The following UNC79 variants were observed in gnomAD, a reference collection of about 807,000 sequenced individuals.
UNC79 encodes protein unc-79 homolog.
Under a neutral mutation model 283.1 loss-of-function variants are expected in UNC79, and 37 were observed. That is an observed-to-expected ratio of 0.13 (90% CI 0.10 to 0.17). The LOEUF is 0.17. Among genes scored for constraint, UNC79 ranks in the 10% least tolerant of loss-of-function variants. UNC79 has a pLI of 1.00. For synonymous variants in UNC79, 1,107 were observed against 1,200.2 expected (o/e 0.92, Z 1.61); for missense variants, 2,272 against 3,211.1 (o/e 0.71, Z 7.07).
chr14:93,564,781 G>A (rs1378586622), intron 14 of UNC79, among the ~76,000 whole-genome samples: 1 of 152,084 alleles, frequency 6.6e-6, no homozygotes, highest in Non-Finnish European at 1.5e-5. Context: ...GGGTCACAAG[G>A]TGCTCAGTGG....
intron 1 of UNC79, among the ~76,000 whole-genome samples, chr14:93,338,463 G>A (rs1263236908): frequency 2.6e-5 from 4 of 151,996 alleles, no homozygotes; most frequent in South Asian, 2.1e-4. Flanking sequence ...ACACAAAAAC[G>A]GACTAACACA....
intron 1 of UNC79, among the ~76,000 whole-genome samples, chr14:93,357,707 A>ATATATATATATGGATATATGGATG (rs2054119080): frequency 4.9e-5 from 6 of 122,478 alleles, no homozygotes; most frequent in Admixed American, 8.1e-5. Flanking sequence ...ATATATATAT[A>ATATATATATATGGATATATGGATG]TATATATATA....
intron 47 of UNC79, among the ~76,000 whole-genome samples, chr14:93,701,135 C>T (rs1226029336): frequency 6.6e-6 from 1 of 152,210 alleles, no homozygotes; most frequent in Non-Finnish European, 1.5e-5. Flanking sequence ...TTCCTGCTGC[C>T]AGTGCTACTG....
At chr14:93,627,155 G>A (rs1010520667) in intron 30 of UNC79, among the ~76,000 whole-genome samples, 5 of 152,192 alleles carry the variant, frequency 3.3e-5, no homozygotes, top group African/African-American at 1.2e-4. Context: ...AAATCTGTCA[G>A]CAGTCAGTCA....
intron 1 of UNC79, among the ~76,000 whole-genome samples, chr14:93,461,486 A>G (rs2056961195): frequency 1.3e-5 from 2 of 152,182 alleles, no homozygotes; most frequent in South Asian, 4.1e-4. Flanking sequence ...TTGTGTATGC[A>G]CAGACCTCTT....
intron 25 of UNC79, among the ~76,000 whole-genome samples, chr14:93,601,297 T>G (rs1410204622): frequency 2.0e-5 from 3 of 147,600 alleles, no homozygotes; most frequent in Non-Finnish European, 4.5e-5. Flanking sequence ...TCTGTCATTC[T>G]TATGTCTTTG....
downstream of UNC79, chr14:93,706,976 C>T: frequency 2.6e-6 from 4 of 1,553,680 alleles, no homozygotes; most frequent in Non-Finnish European, 3.5e-6. Context: ...CAATTTGATC[C>T]AAGCAGGTTG....
chr14:93,687,726 C>T (rs1043746152), intron 43 of UNC79, among the ~76,000 whole-genome samples: 1 of 152,052 alleles, frequency 6.6e-6, no homozygotes, highest in Non-Finnish European at 1.5e-5. Context: ...CCCTGTCGTT[C>T]GCTCCTGTGC....
At chr14:93,626,087 A>G (rs893429191) in intron 30 of UNC79, among the ~76,000 whole-genome samples, 2 of 152,226 alleles carry the variant, frequency 1.3e-5, no homozygotes, top group African/African-American at 4.8e-5. Context: ...GGCTGGTATC[A>G]TTTTAAATTA....
chr14:93,338,263 C>G (rs539382463), intron 1 of UNC79, among the ~76,000 whole-genome samples: 10 of 152,234 alleles, frequency 6.6e-5, no homozygotes, highest in Admixed American at 2.6e-4. Context: ...CACTGGTGAT[C>G]TGGTTGTTTA....
At chr14:93,566,088 A>G (rs938435071) in intron 14 of UNC79, among the ~76,000 whole-genome samples, 5 of 152,202 alleles carry the variant, frequency 3.3e-5, no homozygotes, top group Admixed American at 3.3e-4. Flanking sequence ...CAGTTGCAGC[A>G]ATACTAAACC....
At chr14:93,668,214 C>G (rs2072429422) in intron 40 of UNC79, among the ~76,000 whole-genome samples, 1 of 152,084 alleles carries the variant, frequency 6.6e-6, no homozygotes, top group African/African-American at 2.4e-5. Flanking sequence ...AAATACAACT[C>G]TCATTTTTCA....
chr14:93,669,458 C>T (rs552034761), intron 40 of UNC79, among the ~76,000 whole-genome samples: 3 of 152,164 alleles, frequency 2.0e-5, no homozygotes, highest in Admixed American at 6.5e-5. Flanking sequence ...AACAAAAGTC[C>T]GGATCCAGAA....
In UNC79 at chr14:93,529,332, G is replaced by A; in HGVS notation, c.1093+6G>A. The A allele has an allele frequency of 6.2e-7, 1 of 1,613,566 alleles. No homozygotes were observed. The highest frequency in any genetic ancestry group is 1.3e-5 in the African/African-American group (1 of 75,004). ...TGATGTTCTTCTGCCACAAGGTATG[G>A]TTTACTTAGGAAAGGATGAATAATG... On this transcript the variant is annotated splice_donor_region_variant and intron_variant, in intron 10 of 48. Transcript: ENST00000555664.
chr14:93,590,856 T>C (rs1350008449), intron 22 of UNC79, among the ~76,000 whole-genome samples: 1 of 152,254 alleles, frequency 6.6e-6, no homozygotes, highest in East Asian at 1.9e-4. Flanking sequence ...GGAAGTTCCA[T>C]GAAGGCACAA....
intron 41 of UNC79, among the ~76,000 whole-genome samples, chr14:93,676,936 A>G (rs2073393896): frequency 6.6e-6 from 1 of 152,230 alleles, no homozygotes; most frequent in African/African-American, 2.4e-5. Context: ...TTAAGTTACA[A>G]AACATCAAGT....
At chr14:93,580,241 C>G (rs2063716792) in exon 19 of UNC79, 2 of 1,614,168 alleles carry the variant, frequency 1.2e-6, no homozygotes, top group Non-Finnish European at 1.7e-6. Context: ...TCCAAGCCCC[C>G]TGGGGGGGAT....
intron 47 of UNC79, among the ~76,000 whole-genome samples, chr14:93,701,112 G>A (rs2075497485): frequency 6.6e-6 from 1 of 152,202 alleles, no homozygotes; most frequent in Non-Finnish European, 1.5e-5. Context: ...AAGACTGCCA[G>A]GCTCCACCTG....
chr14:93,355,170 C>T (rs112860934), intron 1 of UNC79, among the ~76,000 whole-genome samples: 32 of 151,780 alleles, frequency 2.1e-4, no homozygotes, highest in African/African-American at 7.5e-4. Flanking sequence ...GCTGGGATTA[C>T]AGGCGCCTGC....
Sources: gnomAD v4.1 joint callset for allele counts (sites outside exome capture counted in the v4.1 genomes callset) on GRCh38, gnomAD v4.1.1 for gene constraint, MANE v1.5 for transcripts, NCBI Gene and HGNC (gene_info 2026-07-23, HGNC 2026-07-21) for gene names.